DCK: variants seen among roughly 807,000 people sequenced by gnomAD.
The protein encoded by DCK is deoxycytidine kinase, also known as deoxyadenosine kinase.
In DCK, 23 loss-of-function variants were observed where a neutral mutation model predicts 38.3. That is an observed-to-expected ratio of 0.60 (90% confidence interval 0.43 to 0.85). The LOEUF is 0.85. DCK is among the 40% of genes least tolerant of loss of function. The pLI is 0.00. For missense variants in DCK, 259 were observed against 304.4 expected (o/e 0.85, Z 1.11); for synonymous variants, 108 against 100.6 (o/e 1.07, Z -0.44).
At chr4:71,014,366 A>T (rs1455735770) in intron 2 of DCK, among the ~76,000 whole-genome samples, 1 of 152,232 alleles carries the variant, frequency 6.6e-6, no homozygotes, top group Non-Finnish European at 1.5e-5. Flanking sequence ...TGAACGAGAC[A>T]GAAAGTTAAC....
At chr4:71,017,820 C>T (rs567720588) in intron 2 of DCK, among the ~76,000 whole-genome samples, 4 of 151,380 alleles carry the variant, frequency 2.6e-5, no homozygotes, top group Non-Finnish European at 5.9e-5. Flanking sequence ...AGGAGAAATA[C>T]CTAATGTAAA....
At chr4:71,009,605 A>T (rs1027673354) in intron 2 of DCK, among the ~76,000 whole-genome samples, 2 of 152,124 alleles carry the variant, frequency 1.3e-5, no homozygotes, top group African/African-American at 4.8e-5. Flanking sequence ...TATTATTAAC[A>T]TATTCTTTTA....
intron 2 of DCK, among the ~76,000 whole-genome samples, chr4:71,008,761 G>A (rs1435081291): frequency 6.6e-6 from 1 of 152,156 alleles, no homozygotes; most frequent in African/African-American, 2.4e-5. Context: ...CAAGGGCACA[G>A]AAACTGACAT....
At chr4:70,994,277 T>G (rs931951353) in intron 1 of DCK, among the ~76,000 whole-genome samples, 2 of 152,244 alleles carry the variant, frequency 1.3e-5, no homozygotes, top group African/African-American at 4.8e-5. Context: ...TTAGGTGTAC[T>G]CTTCTATGAG....
At chr4:71,001,415 C>T (rs796564575) in intron 2 of DCK, among the ~76,000 whole-genome samples, 9 of 151,694 alleles carry the variant, frequency 5.9e-5, no homozygotes, top group African/African-American at 2.2e-4. Context: ...ATTTTCGCAT[C>T]GATGTTCATC....
At chr4:71,028,108 A>C (rs1740584597) in intron 6 of DCK, among the ~76,000 whole-genome samples, 1 of 152,220 alleles carries the variant, frequency 6.6e-6, no homozygotes, top group Non-Finnish European at 1.5e-5. Flanking sequence ...GCACACACTG[A>C]CATTGCAAAG....
Position 71,023,713 on chromosome 4 carries a change from C to G in DCK, c.549+7C>G. The G allele has an allele frequency of 6.3e-7, 1 of 1,598,114 alleles. No homozygotes were observed. Among genetic ancestry groups the G allele is most frequent in the Non-Finnish European group, 8.5e-7 (1 of 1,175,174 alleles). On this transcript the variant is annotated splice_region_variant and intron_variant, in intron 4 of 6. Transcript: ENST00000286648. ...TCTTCAAGCCACTCCAGAGGTAAAACCCAATAAAAATGTGTTTCACTGAAA... is the reference window on the plus strand; with the variant it reads ...TCTTCAAGCCACTCCAGAGGTAAAAGCCAATAAAAATGTGTTTCACTGAAA...
At chr4:71,024,879 TAA>T (rs1309401598) in intron 4 of DCK, among the ~76,000 whole-genome samples, 7 of 152,084 alleles carry the variant, frequency 4.6e-5, no homozygotes, top group African/African-American at 1.7e-4. Flanking sequence ...AAAGGTTTCT[TAA>T]AGTTATGAAA....
At chr4:71,021,230 C>T (rs539370728) in intron 2 of DCK, among the ~76,000 whole-genome samples, 3 of 151,556 alleles carry the variant, frequency 2.0e-5, no homozygotes, top group South Asian at 2.1e-4. Context: ...CGCCCGCCAC[C>T]GCGCCCGGCT....
intron 2 of DCK, among the ~76,000 whole-genome samples, chr4:71,019,974 G>C (rs996646061): frequency 2.6e-5 from 4 of 152,080 alleles, no homozygotes; most frequent in Admixed American, 6.5e-5. Context: ...TTTTGGTAGA[G>C]ACAGGGTTTC....
At chr4:71,021,991 G>A (rs969474045) in intron 2 of DCK, among the ~76,000 whole-genome samples, 13 of 152,066 alleles carry the variant, frequency 8.5e-5, no homozygotes, top group Non-Finnish European at 2.9e-5. Flanking sequence ...AACAGAGCAA[G>A]ACTCCATCTC....
intron 3 of DCK, among the ~76,000 whole-genome samples, chr4:71,023,034 A>C (rs1740467327): frequency 6.6e-6 from 1 of 152,194 alleles, no homozygotes; most frequent in Admixed American, 6.5e-5. Context: ...ATAACTATCG[A>C]GGTGTCCAAA....
intron 2 of DCK, among the ~76,000 whole-genome samples, chr4:71,012,241 G>T (rs1404887497): frequency 6.6e-6 from 1 of 152,232 alleles, no homozygotes; most frequent in African/African-American, 2.4e-5. Context: ...CATTGCTGAG[G>T]CTTGGGTAGG....
intron 6 of DCK, chr4:71,028,524 G>C: frequency 2.7e-6 from 1 of 366,396 alleles, no homozygotes; most frequent in Admixed American, 3.3e-5. Flanking sequence ...TACTCAGCCT[G>C]GGTGACAGAG....
At chr4:71,029,043 C>T (rs1740615629) in intron 6 of DCK, among the ~76,000 whole-genome samples, 1 of 152,218 alleles carries the variant, frequency 6.6e-6, no homozygotes, top group Non-Finnish European at 1.5e-5. Context: ...AGGCATGAGC[C>T]ACTGCGCCTG....
At position 71,013,634 on chromosome 4, in the gene DCK, C is replaced by A. The variant is rs569955894; in HGVS notation, c.208-8733C>A. ...ATTCTTAAAGAAACGAATTTGCAAC[C>A]CAGAATATCATATCCAGCCAAACTA... On this transcript the variant is annotated intron_variant, in intron 2 of 6. Transcript: ENST00000286648. Among the ~76,000 whole-genome samples, 1,253 of 152,142 alleles carry A rather than the reference C, an allele frequency of 8.2e-3. 9 individuals are homozygous for A. Among genetic ancestry groups the A allele is most frequent in the African/African-American group, 0.029 (1,191 of 41,502 alleles).
At chr4:71,007,807 C>G (rs1362391308) in intron 2 of DCK, among the ~76,000 whole-genome samples, 2 of 152,220 alleles carry the variant, frequency 1.3e-5, no homozygotes, top group African/African-American at 4.8e-5. Context: ...CCTCAACCTC[C>G]CTTGGCTCAG....
Position 71,026,705 on chromosome 4 carries a change from C to G in DCK, c.706C>G (p.Leu236Val). The G allele has an allele frequency of 6.3e-7, 1 of 1,583,888 alleles. No homozygotes were observed. The highest frequency in any genetic ancestry group is 2.3e-5 in the East Asian group (1 of 44,406). Residue 236 changes from leucine to valine, a missense_variant, in exon 6 of 7, where the codon CTG becomes GTG. Leu to Val is a conservative substitution (Grantham distance 32, BLOSUM62 1). This residue lies in a region of DCK where 82 missense variants were observed against 103.8 expected (regional missense o/e 0.79). Transcript: ENST00000286648. ...DYLQEVPILTLDVNEDFKDKY... is the reference protein window; with the variant it reads ...DYLQEVPILTVDVNEDFKDKY... ...TCTTCAAGAGGTGCCTATCTTAACA[C>G]TGGATGTTAATGAAGACTTTAAAGA...
At chr4:71,015,650 A>G (rs1740242583) in intron 2 of DCK, among the ~76,000 whole-genome samples, 1 of 152,232 alleles carries the variant, frequency 6.6e-6, no homozygotes, top group Non-Finnish European at 1.5e-5. Context: ...AATAAACATA[A>G]TCCAGCATAT....
Sources: allele counts gnomAD v4.1 joint callset (sites outside exome capture counted in the v4.1 genomes callset), GRCh38; gene constraint gnomAD v4.1.1; regional missense constraint gnomAD v4.1.1; transcripts MANE v1.5; gene names NCBI Gene and HGNC (gene_info 2026-07-23, HGNC 2026-07-21).